NDRG2: variants seen among roughly 807,000 people sequenced by gnomAD.
NDRG2 encodes protein NDRG2.
In NDRG2, 34 loss-of-function variants were observed where a neutral mutation model predicts 58.2. That is an observed-to-expected ratio of 0.58 (90% CI 0.44 to 0.78). The LOEUF is 0.78. Among genes scored for constraint, NDRG2 ranks in the 30% least tolerant of loss-of-function variants. The pLI is 0.00. For synonymous variants in NDRG2, 187 were observed against 175.9 expected (o/e 1.06, Z -0.50); for missense variants, 434 against 471.2 (o/e 0.92, Z 0.73).
chr14:21,053,895 C>T (rs1018712191), intron 1 of NDRG2, among the ~76,000 whole-genome samples: 4 of 152,134 alleles, frequency 2.6e-5, no homozygotes, highest in South Asian at 4.1e-4. Flanking sequence ...TTCTATGAAA[C>T]TGGGTCCATG....
Position 21,022,148 on chromosome 14 carries a change from C to T in NDRG2, c.258G>A (p.Glu86=), listed in dbSNP as rs374914691. The change falls in exon 5 of 16, where the codon GAG becomes GAA. Residue 86 remains glutamate, a synonymous_variant. Transcript: ENST00000556147. ...KSCFQPLFQF[E]DMQEIIQNFV... is the part of the protein sequence containing the mutation. The stretch of plus-strand genomic sequence containing the variant: ...AGTTCTGAATGATTTCCTGCATGTC[C>T]TCGAACTGAAACAGTGGCTGGAAGC... The T allele has an allele frequency of 6.2e-6, 10 of 1,614,070 alleles. No individual in the cohort carries two copies. Among genetic ancestry groups the T allele is most frequent in the East Asian group, 2.2e-5 (1 of 44,904 alleles).
chr14:21,058,172 A>T (rs1206302122), intron 1 of NDRG2: 2 of 1,613,930 alleles, frequency 1.2e-6, no homozygotes, highest in African/African-American at 2.7e-5. Context: ...GAATAGCTGT[A>T]AAAACTGCCA....
chr14:21,054,698 A>G (rs1885602509), intron 1 of NDRG2, among the ~76,000 whole-genome samples: 1 of 152,224 alleles, frequency 6.6e-6, no homozygotes, highest in South Asian at 2.1e-4. Flanking sequence ...CGGCCCTGCC[A>G]CTTACTAAAT....
intron 1 of NDRG2, chr14:21,058,314 C>G (rs755561379): frequency 6.2e-7 from 1 of 1,613,524 alleles, no homozygotes; most frequent in South Asian, 1.1e-5. Flanking sequence ...CAGGGTGACC[C>G]AGGGTACCCA....
At chr14:21,037,171 G>A (rs1884680175) in intron 1 of NDRG2, among the ~76,000 whole-genome samples, 1 of 152,206 alleles carries the variant, frequency 6.6e-6, no homozygotes, top group South Asian at 2.1e-4. Context: ...AAACTGAACA[G>A]CACATTATAG....
upstream of NDRG2, chr14:21,030,614 G>A: frequency 6.2e-7 from 1 of 1,613,844 alleles, no homozygotes; most frequent in Non-Finnish European, 8.5e-7. Flanking sequence ...CATTCCATCG[G>A]TTTGCTGCGT....
chr14:21,021,725 T>G, intron 6 of NDRG2, 92 bp downstream of exon 6: 1 of 1,347,162 alleles, frequency 7.4e-7, no homozygotes, highest in Non-Finnish European at 1.0e-6. Flanking sequence ...AAGCTGAAAC[T>G]GGCTCAGGAA....
chr14:21,031,816 T>C, intron 1 of NDRG2: 1 of 1,496,982 alleles, frequency 6.7e-7, no homozygotes. Flanking sequence ...GTTCTAAGTA[T>C]CTCGGGCCAT....
intron 1 of NDRG2, chr14:21,030,989 T>G (rs1264616543): frequency 1.3e-6 from 2 of 1,585,996 alleles, no homozygotes; most frequent in South Asian, 2.3e-5. Flanking sequence ...CCAAAGTTTC[T>G]GGATTTCTGT....
intron 1 of NDRG2, chr14:21,030,962 G>T: frequency 6.4e-7 from 1 of 1,564,748 alleles, no homozygotes; most frequent in Non-Finnish European, 8.6e-7. Context: ...GACCTTGGAA[G>T]GTAATGCATT....
intron 1 of NDRG2, among the ~76,000 whole-genome samples, chr14:21,064,908 T>C (rs927074958): frequency 1.3e-5 from 2 of 152,144 alleles, no homozygotes; most frequent in African/African-American, 4.8e-5. Context: ...TGGTGGCTCA[T>C]GCCTGTAATC....
Position 21,017,111 on chromosome 14 carries a change from C to A in NDRG2, c.*485G>T. The A allele has an allele frequency of 2.3e-6, 1 of 426,166 alleles. No homozygotes were observed. The highest frequency in any genetic ancestry group is 4.8e-6 in the Non-Finnish European group (1 of 208,922). 26.4% of individuals were successfully genotyped at this position (426,166 alleles called of 1,614,324 possible). On this transcript the variant is annotated 3_prime_UTR_variant, in exon 16 of 16. Transcript: ENST00000556147. Reference sequence around the variant, plus strand: ...GAGGACCACTAACCCACCAGCAAGTCTCCCCCTGACACACATTCACGTAGG... The same window carrying A: ...GAGGACCACTAACCCACCAGCAAGTATCCCCCTGACACACATTCACGTAGG...
At chr14:21,042,541 G>A (rs1290158102) in intron 1 of NDRG2, 1 of 182,546 alleles carries the variant, frequency 5.5e-6, no homozygotes, top group Non-Finnish European at 1.2e-5. Context: ...AATGGATAAA[G>A]GAGGGACTGG....
chr14:21,044,614 G>C (rs1166304454), intron 1 of NDRG2, among the ~76,000 whole-genome samples: 1 of 152,200 alleles, frequency 6.6e-6, no homozygotes, highest in Non-Finnish European at 1.5e-5. Flanking sequence ...GTCCCCCTGG[G>C]CTACAGATAC....
intron 12 of NDRG2, 44 bp downstream of exon 12, chr14:21,018,719 A>T: frequency 1.2e-6 from 2 of 1,612,630 alleles, no homozygotes; most frequent in Middle Eastern, 1.7e-4. Context: ...CCACTTTAGG[A>T]CCCCAACCCT....
intron 1 of NDRG2, among the ~76,000 whole-genome samples, chr14:21,059,288 C>T (rs1453888637): frequency 6.6e-6 from 1 of 152,158 alleles, no homozygotes; most frequent in Admixed American, 6.5e-5. Flanking sequence ...TTGCTGAAGA[C>T]TAACTGTGGT....
At chr14:21,039,093 G>A (rs2139105456) in intron 1 of NDRG2, among the ~76,000 whole-genome samples, 1 of 152,308 alleles carries the variant, frequency 6.6e-6, no homozygotes, top group African/African-American at 2.4e-5. Flanking sequence ...GAGGCTGTGT[G>A]GAACTCCGGA....
At chr14:21,036,249 C>T (rs1162224117) in intron 1 of NDRG2, 2 of 456,356 alleles carry the variant, frequency 4.4e-6, no homozygotes, top group South Asian at 3.1e-5. Flanking sequence ...AGACTCAACT[C>T]AAATATATCT....
intron 1 of NDRG2, chr14:21,035,876 C>T (rs1884590063): frequency 4.4e-6 from 2 of 455,414 alleles, no homozygotes; most frequent in Non-Finnish European, 8.8e-6. Context: ...GGAGGCGGTC[C>T]TGCATGGTGG....
Sources: gnomAD v4.1 joint callset for allele counts (sites outside exome capture counted in the v4.1 genomes callset) on GRCh38, gnomAD v4.1.1 for gene constraint, MANE v1.5 for transcripts, NCBI Gene and HGNC (gene_info 2026-07-23, HGNC 2026-07-21) for gene names.